ZNF384: variants seen among roughly 807,000 people sequenced by gnomAD.
The protein encoded by ZNF384 is CAG repeat protein 1.
In ZNF384, 20 loss-of-function variants were observed where a neutral mutation model predicts 65.0. That is an observed-to-expected ratio of 0.31 (90% CI 0.22 to 0.45). The LOEUF is 0.45. ZNF384 is among the 20% of genes least tolerant of loss of function. The probability of loss-of-function intolerance (pLI) is 1.00; values close to 1 mark genes in which losing one functional copy is unlikely to be tolerated. For missense variants in ZNF384, 549 were observed against 769.4 expected (o/e 0.71, Z 3.39); for synonymous variants, 310 against 303.9 (o/e 1.02, Z -0.21).
chr12:6,685,731 C>T (rs536825412), intron 2 of ZNF384, among the ~76,000 whole-genome samples: 1 of 133,014 alleles, frequency 7.5e-6, no homozygotes, highest in South Asian at 2.3e-4. Flanking sequence ...GAAAGGAGAT[C>T]AGACCACTGC....
rs368785665 is a variant in ZNF384 at position 6,678,640 on chromosome 12, C to G, written c.352+23G>C. The G allele has an allele frequency of 5.0e-6, 8 of 1,612,972 alleles. No individual in the cohort carries two copies. Among genetic ancestry groups the G allele is most frequent in the Non-Finnish European group, 6.8e-6 (8 of 1,179,482 alleles). On this transcript the variant is annotated intron_variant, in intron 5 of 11. Coordinates refer to ENST00000683879, the MANE Select transcript of ZNF384 (RefSeq NM_001385745.1). This position sits in a 1 kb window ranked among gnomAD's most constrained non-coding sequence, Gnocchi z 4.9. Reference sequence around the variant, plus strand: ...TGGTCTCCTAACCCTTGTCCCCACCCCCCTGGTAACAGTGAGATTTACCCC... The same window carrying G: ...TGGTCTCCTAACCCTTGTCCCCACCGCCCTGGTAACAGTGAGATTTACCCC...
chr12:6,672,072 A>C lies in ZNF384; in HGVS notation c.1187+278T>G. On this transcript the variant is annotated intron_variant, in intron 9 of 11. Transcript: ENST00000683879. The surrounding 1 kb of genome is among the most constrained non-coding windows in gnomAD (Gnocchi z 4.4). ...ATTTTCAGGGAGGAAAATTAGAGAA[A>C]AGTTGTTTCTACTCCAGGTACGTGT... The C allele has an allele frequency of 2.8e-6, 1 of 362,710 alleles. No homozygotes were observed. The highest frequency in any genetic ancestry group is 4.2e-5 in the Admixed American group (1 of 23,610). The allele number at this position is 362,710 out of a possible 1,614,324, so 22.5% of individuals were successfully genotyped here.
rs74994414 is a variant in ZNF384, at chr12:6,680,812, A to G, written c.-5-1287T>C. Among the ~76,000 whole-genome samples, 270 of 152,290 alleles carry G rather than the reference A, an allele frequency of 1.8e-3. 1 individual carries two copies. The highest frequency in any genetic ancestry group is 6.2e-3 in the African/African-American group (257 of 41,560). ...AGAATCAAAGCACTTCTAGTTTTAG[A>G]AAGTGTCCTGGCACTAGTAGTAACC... On this transcript the variant is annotated intron_variant, in intron 2 of 11. Transcript: ENST00000683879.
Position 6,678,903 on chromosome 12 carries a change from G to A in ZNF384, c.304+43C>T, listed in dbSNP as rs752163813. 1 of 1,584,376 alleles carries A rather than the reference G, an allele frequency of 6.3e-7. No homozygotes were observed. The highest frequency in any genetic ancestry group is 8.7e-7 in the Non-Finnish European group (1 of 1,154,466). On this transcript the variant is annotated intron_variant, in intron 4 of 11. Transcript: ENST00000683879. The surrounding 1 kb of genome is among the most constrained non-coding windows in gnomAD (Gnocchi z 4.9). The stretch of plus-strand genomic sequence containing the variant: ...CCCTCCAGCCTGGGGTACTGATCAT[G>A]GAAGATCAACACCTCAGATTGGAGA...
chr12:6,686,657 T>C (rs568340200), intron 2 of ZNF384, among the ~76,000 whole-genome samples: 54 of 152,280 alleles, frequency 3.5e-4, no homozygotes, highest in Non-Finnish European at 7.2e-4. Flanking sequence ...GGATGGAGGA[T>C]GGAAGAGGAT....
chr12:6,674,859 C>T (rs1952897852), intron 7 of ZNF384, among the ~76,000 whole-genome samples: 1 of 152,188 alleles, frequency 6.6e-6, no homozygotes, highest in South Asian at 2.1e-4. Context: ...TCATCTTAAG[C>T]CTTAGTGCTG....
At chr12:6,670,022 A>G (rs754334186) in intron 10 of ZNF384, among the ~76,000 whole-genome samples, 2 of 152,158 alleles carry the variant, frequency 1.3e-5, no homozygotes, top group Non-Finnish European at 2.9e-5. Context: ...AAGTGGCTTC[A>G]TTGTGCCTTA....
intron 2 of ZNF384, among the ~76,000 whole-genome samples, chr12:6,682,350 C>CAAAACAAAAG (rs1956321396): frequency 6.6e-6 from 1 of 151,362 alleles, no homozygotes; most frequent in Non-Finnish European, 1.5e-5. Flanking sequence ...CAAAACAAAA[C>CAAAACAAAAG]AAAACAAAAC....
At chr12:6,679,575 A>G in intron 2 of ZNF384, 50 bp from the exon 3 acceptor site, 1 of 1,491,228 alleles carries the variant, frequency 6.7e-7, no homozygotes, top group Non-Finnish European at 9.3e-7. Context: ...ACTCAGAAAA[A>G]GCTAAGCAAT....
chr12:6,668,643 C>T (rs186115029), intron 11 of ZNF384, among the ~76,000 whole-genome samples: 1 of 144,900 alleles, frequency 6.9e-6, no homozygotes, highest in Admixed American at 7.1e-5. Context: ...GTGGAGGTTA[C>T]AGTGAGCCGA....
chr12:6,677,080 T>C (rs1953926905), intron 7 of ZNF384, 87 bp downstream of exon 7: 3 of 381,536 alleles, frequency 7.9e-6, no homozygotes, highest in South Asian at 2.0e-5. Flanking sequence ...ATCTGATATA[T>C]ACTCCCAACA....
At chr12:6,687,013 C>A (rs944956984) in intron 2 of ZNF384, among the ~76,000 whole-genome samples, 4 of 152,172 alleles carry the variant, frequency 2.6e-5, no homozygotes, top group Non-Finnish European at 4.4e-5. Flanking sequence ...AGAAAGGTTA[C>A]CTTAGCTCAA....
chr12:6,675,917 C>A (rs981375669), intron 7 of ZNF384, among the ~76,000 whole-genome samples: 4 of 152,228 alleles, frequency 2.6e-5, no homozygotes, highest in Non-Finnish European at 5.9e-5. Context: ...CAGAACCCAA[C>A]TGCCCCAATA....
chr12:6,671,276 TAAC>T (rs2136516908), intron 9 of ZNF384: 1 of 164,068 alleles, frequency 6.1e-6, no homozygotes, highest in East Asian at 1.8e-4. Flanking sequence ...AATGTTATGG[TAAC>T]AAAGAAAAGC....
chr12:6,679,290 A>G, intron 3 of ZNF384, 107 bp from the exon 4 acceptor site: 1 of 1,236,928 alleles, frequency 8.1e-7, no homozygotes, highest in African/African-American at 1.5e-5. Context: ...ATCAAGGATG[A>G]GCACTTCATA....
Position 6,672,199 on chromosome 12 carries a change from T to C in ZNF384, c.1187+151A>G. The C allele has an allele frequency of 1.3e-6, 1 of 771,636 alleles. No individual in the cohort carries two copies. Among genetic ancestry groups the C allele is most frequent in the Non-Finnish European group, 2.0e-6 (1 of 492,668 alleles). 47.8% of individuals were successfully genotyped at this position (771,636 alleles called of 1,614,324 possible). A position where few individuals can be genotyped will look rare whatever the true frequency, so the allele number is the denominator to read the frequency against. The stretch of plus-strand genomic sequence containing the variant: ...TGTCCACTTGAATCTCCAGTGTTGT[T>C]TGGTCTTCCTTCTCCCAGATGCCAG... On this transcript the variant is annotated intron_variant, in intron 9 of 11. Transcript: ENST00000683879. This position sits in a 1 kb window ranked among gnomAD's most constrained non-coding sequence, Gnocchi z 4.4.
Position 6,673,494 on chromosome 12 carries a change from G to T in ZNF384, c.780-54C>A. ...CCCTTCCCATCAAGAAGGTGTGGCT[G>T]AACCCTCCCCTCTACTTCCAAGAGA... On this transcript the variant is annotated intron_variant, in intron 7 of 11. Coordinates refer to ENST00000683879, the MANE Select transcript of ZNF384 (RefSeq NM_001385745.1). The surrounding 1 kb of genome is among the most constrained non-coding windows in gnomAD (Gnocchi z 4.7). 1 of 1,531,464 alleles carries T rather than the reference G, an allele frequency of 6.5e-7. No individual in the cohort carries two copies. Among genetic ancestry groups the T allele is most frequent in the Non-Finnish European group, 9.0e-7 (1 of 1,116,682 alleles). The allele number at this position is 1,531,464 out of a possible 1,614,324, so 94.9% of individuals were successfully genotyped here.
In ZNF384 at chr12:6,678,758, G is replaced by T. The variant is rs775175519; in HGVS notation, c.305-48C>A. 2 of 1,597,350 alleles carry T rather than the reference G, an allele frequency of 1.3e-6. No individual in the cohort carries two copies. Among genetic ancestry groups the T allele is most frequent in the Admixed American group, 3.3e-5 (2 of 59,722 alleles). On this transcript the variant is annotated intron_variant, in intron 4 of 11. Transcript: ENST00000683879. The surrounding 1 kb of genome is among the most constrained non-coding windows in gnomAD (Gnocchi z 4.9). ...TGTCACCTCCTCAAAGGCAGGGACC[G>T]CATCTTCTACTTCTTTGTATCCCCC...
At chr12:6,675,106 T>C (rs1952993088) in intron 7 of ZNF384, among the ~76,000 whole-genome samples, 1 of 152,202 alleles carries the variant, frequency 6.6e-6, no homozygotes, top group Admixed American at 6.6e-5. Context: ...AAAATAATAA[T>C]AACCCACTTA....
Sources: allele counts gnomAD v4.1 joint callset (sites outside exome capture counted in the v4.1 genomes callset), GRCh38; gene constraint gnomAD v4.1.1; non-coding constraint Gnocchi (gnomAD v3.1); transcripts MANE v1.5; gene names NCBI Gene and HGNC (gene_info 2026-07-23, HGNC 2026-07-21).